The following RBFOX2 variants were observed in gnomAD, a reference collection of about 807,000 sequenced individuals.
RBFOX2 encodes RNA binding fox-1 homolog 2.
A neutral mutation model predicts 49.1 loss-of-function variants in RBFOX2; 10 were observed. The ratio of observed to expected loss-of-function variants is 0.20; its 90% CI spans 0.13 to 0.35. The LOEUF is 0.35. RBFOX2 is among the 10% of genes least tolerant of loss of function. The probability of loss-of-function intolerance (pLI) is 1.00; values close to 1 mark genes in which losing one functional copy is unlikely to be tolerated. For missense variants in RBFOX2, 323 were observed against 486.9 expected (o/e 0.66, Z 3.17); for synonymous variants, 183 against 187.4 (o/e 0.98, Z 0.19).
chr22:35,825,981 CAAAAAAAAA>C (rs901630936), intron 1 of RBFOX2, among the ~76,000 whole-genome samples: 3 of 39,850 alleles, frequency 7.5e-5, no homozygotes, highest in South Asian at 8.9e-4. Flanking sequence ...GACTCCGCTT[CAAAAAAAAA>C]AAAAAAAAAA....
intron 1 of RBFOX2, among the ~76,000 whole-genome samples, chr22:35,914,481 T>C (rs951563090): frequency 6.6e-6 from 1 of 152,250 alleles, no homozygotes; most frequent in Admixed American, 6.5e-5. Flanking sequence ...TACTAGTTAC[T>C]GGCAGAATTG....
At chr22:36,012,721 A>G (rs1368244376) in intron 1 of RBFOX2, among the ~76,000 whole-genome samples, 1 of 152,200 alleles carries the variant, frequency 6.6e-6, no homozygotes, top group Non-Finnish European at 1.5e-5. Flanking sequence ...AATAGATTGT[A>G]TAAGGGCTAA....
chr22:35,975,246 C>A (rs2057088885), intron 1 of RBFOX2, among the ~76,000 whole-genome samples: 1 of 152,068 alleles, frequency 6.6e-6, no homozygotes, highest in Non-Finnish European at 1.5e-5. Context: ...TAATAAACAG[C>A]AAACTAGTAT....
rs372853904 is a variant in RBFOX2 at position 35,913,325 on chromosome 22, T to C, written c.-34+25522A>G. ...AGACTCTGTCTCTATTTTTAAAAAG[T>C]AAAAAAAGTAAGATCTGCAGGAAGA... On this transcript the variant is annotated intron_variant, in intron 1 of 13. Coordinates refer to the RBFOX2 transcript ENST00000359369. Among the ~76,000 whole-genome samples the C allele has an allele frequency of 7.2e-5, 11 of 151,828 alleles. No homozygotes were observed. The East Asian group carries it at 1.9e-3, about 27-fold the overall frequency.
At chr22:35,972,187 G>C (rs112863116) in intron 1 of RBFOX2, among the ~76,000 whole-genome samples, 88 of 152,028 alleles carry the variant, frequency 5.8e-4, no homozygotes, top group Admixed American at 2.7e-3. Flanking sequence ...AGATCATTTT[G>C]GGGTTTTTTA....
upstream of RBFOX2, among the ~76,000 whole-genome samples, chr22:35,842,663 C>T (rs1359392143): frequency 6.6e-6 from 1 of 152,096 alleles, no homozygotes; most frequent in Non-Finnish European, 1.5e-5. Flanking sequence ...GACAAAAAGC[C>T]TGGGGCACTA....
chr22:35,883,547 T>C (rs2046197938), intron 1 of RBFOX2, among the ~76,000 whole-genome samples: 1 of 152,214 alleles, frequency 6.6e-6, no homozygotes, highest in South Asian at 2.1e-4. Flanking sequence ...CGTGTCTCAA[T>C]TTCATCACCC....
chr22:35,774,876 T>C (rs1044405596), intron 4 of RBFOX2, among the ~76,000 whole-genome samples: 1 of 152,206 alleles, frequency 6.6e-6, no homozygotes, highest in Non-Finnish European at 1.5e-5. Flanking sequence ...TTGGAACAAT[T>C]TGATTAAACC....
intron 2 of RBFOX2, among the ~76,000 whole-genome samples, chr22:35,787,322 G>A (rs1946628181): frequency 2.0e-5 from 3 of 152,172 alleles, no homozygotes; most frequent in African/African-American, 7.2e-5. Context: ...ATAGGCATGA[G>A]CCACTGTGCC....
chr22:35,932,863 A>G (rs2052591838), intron 1 of RBFOX2, among the ~76,000 whole-genome samples: 1 of 152,352 alleles, frequency 6.6e-6, no homozygotes, highest in South Asian at 2.1e-4. Flanking sequence ...CCTGGGCAAC[A>G]GAGTCTCAAA....
At chr22:35,978,928 A>G (rs1197773419) in intron 1 of RBFOX2, among the ~76,000 whole-genome samples, 1 of 152,222 alleles carries the variant, frequency 6.6e-6, no homozygotes, top group Admixed American at 6.5e-5. Context: ...GTTGAGGAAC[A>G]GGATAGTAGT....
intron 1 of RBFOX2, among the ~76,000 whole-genome samples, chr22:35,865,892 A>G (rs1025677348): frequency 6.6e-6 from 1 of 152,216 alleles, no homozygotes; most frequent in African/African-American, 2.4e-5. Context: ...TATGCCATGA[A>G]TAACAGCAAA....
chr22:36,017,688 A>T (rs1016558333), intron 1 of RBFOX2, among the ~76,000 whole-genome samples: 18 of 152,342 alleles, frequency 1.2e-4, no homozygotes, highest in African/African-American at 4.1e-4. Context: ...GCAGCACTGT[A>T]AAAAGGTAAA....
chr22:36,021,301 C>T (rs1052871400), intron 1 of RBFOX2, among the ~76,000 whole-genome samples: 5 of 151,432 alleles, frequency 3.3e-5, no homozygotes, highest in African/African-American at 1.2e-4. Flanking sequence ...ATGTAAATGA[C>T]GAGTTAATGG....
At chr22:35,927,458 G>A (rs2051781660) in intron 1 of RBFOX2, among the ~76,000 whole-genome samples, 1 of 152,076 alleles carries the variant, frequency 6.6e-6, no homozygotes, top group Non-Finnish European at 1.5e-5. Flanking sequence ...TACAAAATTA[G>A]CTGGGTGTGG....
At chr22:35,896,227 C>G (rs1286707603) in intron 1 of RBFOX2, among the ~76,000 whole-genome samples, 1 of 152,182 alleles carries the variant, frequency 6.6e-6, no homozygotes, top group Admixed American at 6.5e-5. Flanking sequence ...GCACATCTTC[C>G]TCAGTGGAGA....
At chr22:35,878,233 C>A (rs1699506943) in intron 1 of RBFOX2, among the ~76,000 whole-genome samples, 1 of 151,972 alleles carries the variant, frequency 6.6e-6, no homozygotes, top group South Asian at 2.1e-4. Flanking sequence ...CCTGTCTCTA[C>A]TAAAAATACA....
chr22:35,783,009 T>C (rs2147183346), intron 2 of RBFOX2, among the ~76,000 whole-genome samples: 1 of 152,306 alleles, frequency 6.6e-6, no homozygotes, highest in Middle Eastern at 3.4e-3. Flanking sequence ...ACTCTGTTAT[T>C]TTCTAGTTTG....
intron 2 of RBFOX2, among the ~76,000 whole-genome samples, chr22:35,808,613 C>A (rs1256895561): frequency 6.6e-6 from 1 of 152,012 alleles, no homozygotes; most frequent in African/African-American, 2.4e-5. Context: ...TTTGGGAGAC[C>A]ATGGTAGGAG....
Sources: allele counts gnomAD v4.1 joint callset (sites outside exome capture counted in the v4.1 genomes callset), GRCh38; gene constraint gnomAD v4.1.1; transcripts MANE v1.5; gene names NCBI Gene and HGNC (gene_info 2026-07-23, HGNC 2026-07-21).